RUNX2: variants seen among roughly 807,000 people sequenced by gnomAD.
The protein encoded by RUNX2 is runt-related transcription factor 2.
Under a neutral mutation model 51.7 loss-of-function variants are expected in RUNX2, and 10 were observed. The observed-to-expected ratio is 0.19, with a 90% CI of 0.12 to 0.33. The LOEUF (loss-of-function observed/expected upper bound fraction) is 0.33. RUNX2 is among the 10% of genes least tolerant of loss of function. RUNX2 has a pLI of 1.00. For synonymous variants in RUNX2, 276 were observed against 273.6 expected (o/e 1.01, Z -0.09); for missense variants, 562 against 691.3 (o/e 0.81, Z 2.10).
At chr6:45,361,419 GA>G (rs1794240650) in intron 2 of RUNX2, among the ~76,000 whole-genome samples, 1 of 152,112 alleles carries the variant, frequency 6.6e-6, no homozygotes, top group Admixed American at 6.5e-5. Flanking sequence ...AAAAGTACAT[GA>G]CAAGGCAAGA....
At chr6:45,543,185 A>T (rs529383917) in intron 7 of RUNX2, among the ~76,000 whole-genome samples, 15 of 152,294 alleles carry the variant, frequency 9.8e-5, no homozygotes, top group African/African-American at 3.4e-4. Context: ...CCATCAGGAA[A>T]ATGCACGATG....
chr6:45,497,404 CA>C (rs995129200), intron 6 of RUNX2, among the ~76,000 whole-genome samples: 24 of 152,250 alleles, frequency 1.6e-4, no homozygotes, highest in Admixed American at 1.0e-3. Context: ...GATAGTCCAT[CA>C]TGTTATTTAT....
chr6:45,345,294 G>A (rs1389837039), intron 2 of RUNX2, among the ~76,000 whole-genome samples: 2 of 152,062 alleles, frequency 1.3e-5, no homozygotes, highest in East Asian at 3.8e-4. Flanking sequence ...TATTTGCTAT[G>A]AGGTTGACAG....
At chr6:45,429,302 A>G (rs1256324408) in intron 3 of RUNX2, among the ~76,000 whole-genome samples, 1 of 152,196 alleles carries the variant, frequency 6.6e-6, no homozygotes, top group Non-Finnish European at 1.5e-5. Flanking sequence ...TTACTTTGAC[A>G]TAGAAAGCCA....
chr6:45,342,701 C>G (rs776627366), intron 2 of RUNX2, among the ~76,000 whole-genome samples: 2 of 151,916 alleles, frequency 1.3e-5, no homozygotes, highest in Non-Finnish European at 2.9e-5. Flanking sequence ...TAAAAACCAT[C>G]AATACATAAA....
At chr6:45,346,950 G>C (rs1299551805) in intron 2 of RUNX2, among the ~76,000 whole-genome samples, 2 of 152,034 alleles carry the variant, frequency 1.3e-5, no homozygotes, top group Non-Finnish European at 2.9e-5. Context: ...AAAAGTAGGA[G>C]GACTTAGCAA....
intron 2 of RUNX2, among the ~76,000 whole-genome samples, chr6:45,387,020 C>A (rs577170015): frequency 6.6e-6 from 1 of 151,820 alleles, no homozygotes; most frequent in Admixed American, 6.6e-5. Context: ...AGAGGTGATA[C>A]GGGCTAGAGT....
chr6:45,500,028 A>G (rs2396441), intron 6 of RUNX2, among the ~76,000 whole-genome samples: 77,595 of 152,008 alleles, frequency 0.51, 20,152 homozygotes, highest in African/African-American at 0.59. Context: ...GTGATGGACT[A>G]TGGGCAAAAG....
At chr6:45,368,326 T>C (rs1453781089) in intron 2 of RUNX2, among the ~76,000 whole-genome samples, 1 of 152,206 alleles carries the variant, frequency 6.6e-6, no homozygotes, top group South Asian at 2.1e-4. Flanking sequence ...TAGCTAATAT[T>C]ATAACACACC....
intron 2 of RUNX2, among the ~76,000 whole-genome samples, chr6:45,402,595 G>A (rs190603151): frequency 5.9e-5 from 9 of 152,212 alleles, no homozygotes; most frequent in South Asian, 2.1e-4. Flanking sequence ...AGCTGGGCAC[G>A]GTGGCTCACA....
At chr6:45,461,649 T>A (rs577821005) in intron 5 of RUNX2, among the ~76,000 whole-genome samples, 186 of 152,248 alleles carry the variant, frequency 1.2e-3, no homozygotes, top group African/African-American at 4.3e-3. Flanking sequence ...TTGGCACTAG[T>A]CTGGGCACTC....
chr6:45,482,540 A>G (rs926608651), intron 5 of RUNX2, among the ~76,000 whole-genome samples: 4 of 152,234 alleles, frequency 2.6e-5, no homozygotes, highest in African/African-American at 7.2e-5. Flanking sequence ...TTAGAAGCCT[A>G]AATTTTGAAA....
chr6:45,340,373 G>C (rs1789508862), intron 2 of RUNX2, among the ~76,000 whole-genome samples: 2 of 152,120 alleles, frequency 1.3e-5, no homozygotes, highest in African/African-American at 4.8e-5. Flanking sequence ...ACCCAGGCTA[G>C]AGTGCACTGG....
intron 2 of RUNX2, among the ~76,000 whole-genome samples, chr6:45,402,042 G>A (rs1199687977): frequency 3.3e-5 from 5 of 152,240 alleles, no homozygotes; most frequent in Admixed American, 6.5e-5. Flanking sequence ...TAATGGATTA[G>A]ATAATTCAAG....
At chr6:45,333,311 G>C (rs978740651) in intron 2 of RUNX2, among the ~76,000 whole-genome samples, 1 of 151,506 alleles carries the variant, frequency 6.6e-6, no homozygotes, top group Non-Finnish European at 1.5e-5. Flanking sequence ...TCAACCACAA[G>C]CTTTTGTCCA....
intron 7 of RUNX2, among the ~76,000 whole-genome samples, chr6:45,519,822 GTGTGTGTGTGTGTGTA>G (rs1247547538): frequency 1.5e-5 from 2 of 133,988 alleles, no homozygotes; most frequent in East Asian, 2.5e-4. Context: ...GTGTGTGTGT[GTGTGTGTGTGTGTGTA>G]TATATTTGAG....
intron 3 of RUNX2, among the ~76,000 whole-genome samples, chr6:45,423,702 C>T (rs1798301997): frequency 6.6e-6 from 1 of 152,194 alleles, no homozygotes; most frequent in African/African-American, 2.4e-5. Context: ...GGTGTCAGGG[C>T]GGGGGCGTTT....
At chr6:45,329,768 T>C (rs2150072339) in intron 2 of RUNX2, among the ~76,000 whole-genome samples, 1 of 152,096 alleles carries the variant, frequency 6.6e-6, no homozygotes, top group Middle Eastern at 3.4e-3. Context: ...TTGATACAGA[T>C]ATGTAAATGA....
At chr6:45,509,492 A>G (rs1341081481) in intron 6 of RUNX2, among the ~76,000 whole-genome samples, 5 of 152,232 alleles carry the variant, frequency 3.3e-5, no homozygotes, top group Admixed American at 2.0e-4. Flanking sequence ...TATGCTCAGC[A>G]CAGCAGGGAG....
Sources: gnomAD v4.1 joint callset for allele counts (sites outside exome capture counted in the v4.1 genomes callset) on GRCh38, gnomAD v4.1.1 for gene constraint, MANE v1.5 for transcripts, NCBI Gene and HGNC (gene_info 2026-07-23, HGNC 2026-07-21) for gene names.